Variants in NR1H4 observed in about 807,000 individuals in gnomAD.
NR1H4 encodes the protein bile acid receptor.
Under a neutral mutation model 58.5 loss-of-function variants are expected in NR1H4, and 23 were observed. The ratio of observed to expected loss-of-function variants is 0.39; its 90% CI spans 0.28 to 0.56. NR1H4 has a LOEUF of 0.56. NR1H4 is among the 20% of genes least tolerant of loss of function. The pLI is 0.58. For synonymous variants in NR1H4, 214 were observed against 198.0 expected, an observed-to-expected ratio of 1.08 and a Z score of -0.68; for missense variants, 487 against 576.9, an observed-to-expected ratio of 0.84 and a Z score of 1.60.
At chr12:100,516,189 A>G (rs1013716710) in intron 4 of NR1H4, among the ~76,000 whole-genome samples, 1 of 152,228 alleles carries the variant, frequency 6.6e-6, no homozygotes, top group African/African-American at 2.4e-5. Flanking sequence ...ATTCAGTAGA[A>G]TAAAATGTAG....
At chr12:100,513,974 G>A (rs1022649821) in intron 4 of NR1H4, among the ~76,000 whole-genome samples, 11 of 152,188 alleles carry the variant, frequency 7.2e-5, no homozygotes, top group Non-Finnish European at 4.4e-5. Flanking sequence ...TGATCTACAG[G>A]AAAGAAAAAG....
At chr12:100,506,755 G>A (rs371595871) in intron 3 of NR1H4, among the ~76,000 whole-genome samples, 4 of 152,142 alleles carry the variant, frequency 2.6e-5, no homozygotes, top group Non-Finnish European at 1.5e-5. Context: ...TGATCCACTC[G>A]CCTTTGCCTC....
chr12:100,509,203 T>C (rs897022873), intron 3 of NR1H4, among the ~76,000 whole-genome samples: 1 of 152,234 alleles, frequency 6.6e-6, no homozygotes, highest in African/African-American at 2.4e-5. Flanking sequence ...AAAATCCCAC[T>C]GTTCATAAGA....
chr12:100,518,773 G>C (rs1954332013), intron 4 of NR1H4, among the ~76,000 whole-genome samples: 1 of 147,224 alleles, frequency 6.8e-6, no homozygotes, highest in Non-Finnish European at 1.5e-5. Context: ...GCTGAACACT[G>C]TTCTTGACCA....
intron 4 of NR1H4, among the ~76,000 whole-genome samples, chr12:100,516,279 C>A (rs1428282575): frequency 6.6e-6 from 1 of 152,182 alleles, no homozygotes; most frequent in Non-Finnish European, 1.5e-5. Context: ...CAGAAAAGAA[C>A]ACGCATAATT....
At chr12:100,527,393 C>A (rs1437169111) in intron 4 of NR1H4, among the ~76,000 whole-genome samples, 1 of 152,244 alleles carries the variant, frequency 6.6e-6, no homozygotes, top group Non-Finnish European at 1.5e-5. Flanking sequence ...AATAGCTGGG[C>A]ATGGTGGGGT....
chr12:100,522,352 C>G (rs1165929773), intron 4 of NR1H4, among the ~76,000 whole-genome samples: 5 of 152,066 alleles, frequency 3.3e-5, no homozygotes, highest in African/African-American at 1.2e-4. Flanking sequence ...TCTTTTGAAG[C>G]AGGTATCTGT....
At chr12:100,480,169 C>A (rs1231859627) in intron 1 of NR1H4, among the ~76,000 whole-genome samples, 1 of 152,180 alleles carries the variant, frequency 6.6e-6, no homozygotes, top group Non-Finnish European at 1.5e-5. Flanking sequence ...CCTGCTTGTG[C>A]TCCTGATGGC....
rs769810655 is a variant in NR1H4, at chr12:100,534,991, C to T, written c.700C>T (p.Arg234Ter). 1.9e-6 allele frequency: 3 copies of T among 1,614,158 alleles called. No homozygotes were observed. Among genetic ancestry groups the T allele is most frequent in the Non-Finnish European group, 8.5e-7 (1 of 1,180,028 alleles). The change falls in exon 6 of 11, where the codon CGA (arginine) becomes TGA (stop). Residue 234 changes from arginine to a stop codon, truncating the protein, a stop_gained. Transcript: ENST00000392986. LOFTEE classifies it high-confidence loss of function. ...VNEDSEGRDLRQVTSTTKSCR... is the reference protein window; with the variant it reads ...VNEDSEGRDL ...TGAAGACAGTGAAGGTCGTGACTTG[C>T]GACAAGTGACCTCGACAACAAAGTC... is the stretch of plus-strand genomic sequence containing the variant.
intron 4 of NR1H4, among the ~76,000 whole-genome samples, chr12:100,518,415 G>T (rs900180455): frequency 2.0e-5 from 3 of 152,180 alleles, no homozygotes; most frequent in Non-Finnish European, 4.4e-5. Flanking sequence ...AGCTGGATTT[G>T]GACATAAATA....
intron 4 of NR1H4, among the ~76,000 whole-genome samples, chr12:100,531,190 T>G (rs1206179992): frequency 3.9e-5 from 6 of 152,204 alleles, no homozygotes; most frequent in Admixed American, 3.9e-4. Context: ...GCGTGGTGGC[T>G]CATGCCTGTA....
intron 4 of NR1H4, among the ~76,000 whole-genome samples, chr12:100,528,631 C>T (rs1270280503): frequency 6.6e-6 from 1 of 152,084 alleles, no homozygotes; most frequent in Non-Finnish European, 1.5e-5. Flanking sequence ...AAGAAAGAGG[C>T]AGAGGTATGT....
At chr12:100,561,049 T>A (rs1357922332) in intron 9 of NR1H4, among the ~76,000 whole-genome samples, 5 of 152,154 alleles carry the variant, frequency 3.3e-5, no homozygotes, top group African/African-American at 1.2e-4. Context: ...CAATTACTGA[T>A]GCTTAGTAGG....
intron 4 of NR1H4, among the ~76,000 whole-genome samples, chr12:100,526,036 G>A (rs1338119693): frequency 6.6e-6 from 1 of 151,948 alleles, no homozygotes; most frequent in Non-Finnish European, 1.5e-5. Context: ...TAGCCTTGCT[G>A]GGCTTGGTTA....
At chr12:100,517,766 G>T (rs1169469036) in intron 4 of NR1H4, among the ~76,000 whole-genome samples, 1 of 152,186 alleles carries the variant, frequency 6.6e-6, no homozygotes, top group Non-Finnish European at 1.5e-5. Flanking sequence ...TTTTCCTGAT[G>T]ATTAGTGGTG....
At chr12:100,533,240 T>C (rs1052110956) in intron 5 of NR1H4, among the ~76,000 whole-genome samples, 9 of 152,226 alleles carry the variant, frequency 5.9e-5, no homozygotes, top group African/African-American at 2.2e-4. Flanking sequence ...CATGCTAGTA[T>C]ATAACATAAT....
At chr12:100,523,636 T>C (rs1290216794) in intron 4 of NR1H4, among the ~76,000 whole-genome samples, 1 of 152,162 alleles carries the variant, frequency 6.6e-6, no homozygotes, top group Non-Finnish European at 1.5e-5. Flanking sequence ...CCTGGCACTC[T>C]TACATGCTCA....
At chr12:100,532,333 A>G (rs1954713175) in intron 4 of NR1H4, 125 bp from the exon 5 acceptor site, 2 of 814,858 alleles carry the variant, frequency 2.5e-6, no homozygotes, top group Non-Finnish European at 4.2e-6. Context: ...TGGTGTGCTC[A>G]AGGATGGCCT....
At position 100,549,166 on chromosome 12, in the gene NR1H4, A is replaced by G. The variant is rs999435623; in HGVS notation, c.1078+8348A>G. On this transcript the variant is annotated intron_variant, in intron 9 of 10. Transcript: ENST00000392986. ...ATCCTGGCTAACACAGTGAAACCCC[A>G]TCCCTACTAAAAATACAAAAAATTA... 8.5e-5 allele frequency among the ~76,000 whole-genome samples: 13 copies of G among 152,196 alleles called. No homozygotes were observed. In the East Asian group the frequency reaches 2.1e-3, roughly 25 times the overall value.
Sources: gnomAD v4.1 joint callset for allele counts (sites outside exome capture counted in the v4.1 genomes callset) on GRCh38, gnomAD v4.1.1 for gene constraint, MANE v1.5 for transcripts, NCBI Gene and HGNC (gene_info 2026-07-23, HGNC 2026-07-21) for gene names.